PKN2: variants seen among roughly 807,000 people sequenced by gnomAD.
PKN2 encodes the protein protein kinase N2.
A neutral mutation model predicts 119.1 loss-of-function variants in PKN2; 38 were observed. The ratio of observed to expected loss-of-function variants is 0.32; its 90% confidence interval spans 0.25 to 0.42. The LOEUF (loss-of-function observed/expected upper bound fraction) is 0.42, where lower values mean the gene tolerates loss of function less well. Ranked by LOEUF, PKN2 falls within the 10% of genes least tolerant of loss-of-function variation. PKN2 has a pLI of 1.00. For missense variants in PKN2, 850 were observed against 1,165.1 expected (o/e 0.73, Z 3.94); for synonymous variants, 390 against 384.9 (o/e 1.01, Z -0.15).
Position 88,712,148 on chromosome 1 carries a change from A to G in PKN2, c.48+27520A>G, listed in dbSNP as rs139562359. Reference sequence around the variant, plus strand: ...TTAAAAGTCACAACTGTTTTCCAATATGATCTGAATACATTTTTAAAGCAA... The same window carrying G: ...TTAAAAGTCACAACTGTTTTCCAATGTGATCTGAATACATTTTTAAAGCAA... On this transcript the variant is annotated intron_variant, in intron 1 of 21. Coordinates refer to ENST00000370521, the MANE Select transcript of PKN2 (RefSeq NM_006256.4). 6.2e-3 allele frequency among the ~76,000 whole-genome samples: 944 copies of G among 152,250 alleles called. 12 individuals carry two copies. The South Asian group carries it at 0.067, about 11-fold the overall frequency.
rs111240296 is a variant in PKN2 at position 88,785,891 on chromosome 1, C to G, written c.1172-213C>G. Among the ~76,000 whole-genome samples the G allele has an allele frequency of 7.0e-3, 1,067 of 152,232 alleles. 12 individuals carry two copies. The highest frequency in any genetic ancestry group is 0.025 in the African/African-American group (1,026 of 41,526). On this transcript the variant is annotated intron_variant, in intron 7 of 21. Coordinates refer to ENST00000370521, the MANE Select transcript of PKN2 (RefSeq NM_006256.4). Reference sequence around the variant, plus strand: ...ATGTAAACAAAAGAGATAGCAGTCACTATTTGTGTTTTTGTCAAACAATTT... The same window carrying G: ...ATGTAAACAAAAGAGATAGCAGTCAGTATTTGTGTTTTTGTCAAACAATTT...
intron 1 of PKN2, among the ~76,000 whole-genome samples, chr1:88,700,624 G>A (rs1483939679): frequency 1.3e-5 from 2 of 152,126 alleles, no homozygotes; most frequent in East Asian, 3.8e-4. Flanking sequence ...ATCACGTTAC[G>A]GCTGTCCATA....
rs149516396 is a variant in PKN2 at position 88,797,418 on chromosome 1, C to T, written c.1282-6973C>T. On this transcript the variant is annotated intron_variant, in intron 8 of 21. Coordinates refer to ENST00000370521, the MANE Select transcript of PKN2 (RefSeq NM_006256.4). ...CAGCACTTTGGGAGGCTCAGGTGGG[C>T]GGATCACGAGGTCAAGAGATCAAGA... Among the ~76,000 whole-genome samples, 278 of 150,192 alleles carry T rather than the reference C, an allele frequency of 1.9e-3. 1 individual carries two copies. The highest frequency in any genetic ancestry group is 6.4e-3 in the African/African-American group (262 of 40,852).
intron 2 of PKN2, among the ~76,000 whole-genome samples, chr1:88,751,943 T>C (rs745866714): frequency 6.6e-6 from 1 of 152,188 alleles, no homozygotes; most frequent in Non-Finnish European, 1.5e-5. Context: ...GTTGAAGCCA[T>C]GTAGATCATC....
intron 16 of PKN2, among the ~76,000 whole-genome samples, chr1:88,820,837 C>G (rs1483714975): frequency 3.3e-5 from 5 of 152,162 alleles, no homozygotes; most frequent in Non-Finnish European, 5.9e-5. Context: ...ATAGGCTATT[C>G]TACACTGAAG....
chr1:88,816,044 G>A (rs538057394), intron 16 of PKN2, among the ~76,000 whole-genome samples: 1 of 151,878 alleles, frequency 6.6e-6, no homozygotes, highest in South Asian at 2.1e-4. Flanking sequence ...GGAAGCTGAG[G>A]CAGGAGAACC....
intron 3 of PKN2, among the ~76,000 whole-genome samples, chr1:88,761,545 G>A (rs963505863): frequency 2.0e-5 from 3 of 150,142 alleles, no homozygotes; most frequent in Admixed American, 2.0e-4. Flanking sequence ...GGAGGCTGAG[G>A]CAGGAGGATT....
chr1:88,713,958 A>G (rs1570516797), intron 1 of PKN2, among the ~76,000 whole-genome samples: 2 of 152,174 alleles, frequency 1.3e-5, no homozygotes, highest in East Asian at 1.9e-4. Flanking sequence ...TAATATTTGT[A>G]CAAGGTGTAA....
intron 8 of PKN2, among the ~76,000 whole-genome samples, chr1:88,786,628 A>G (rs935816084): frequency 4.6e-5 from 7 of 152,160 alleles, no homozygotes; most frequent in African/African-American, 1.2e-4. Context: ...TTCAAGAATA[A>G]TTTGAATAGC....
chr1:88,770,126 C>T (rs924095744), intron 3 of PKN2, among the ~76,000 whole-genome samples: 2 of 152,222 alleles, frequency 1.3e-5, no homozygotes, highest in African/African-American at 4.8e-5. Context: ...ATTTCCTTTT[C>T]TCCCAAATTG....
rs115673292 is a variant in PKN2, at chr1:88,718,472, A to G, written c.49-22516A>G. 2.9e-3 allele frequency among the ~76,000 whole-genome samples: 449 copies of G among 152,314 alleles called. 4 individuals carry two copies. Among genetic ancestry groups the G allele is most frequent in the African/African-American group, 0.01 (427 of 41,578 alleles). The stretch of plus-strand genomic sequence containing the variant: ...TCGTTCAGTAGTTTTGTTTTGATGT[A>G]TTAAGATTAGTGGAGACCAACTTTA... On this transcript the variant is annotated intron_variant, in intron 1 of 21. Coordinates refer to ENST00000370521, the MANE Select transcript of PKN2 (RefSeq NM_006256.4).
intron 15 of PKN2, 149 bp downstream of exon 15, chr1:88,807,924 A>G (rs901105342): frequency 1.9e-5 from 10 of 530,210 alleles, no homozygotes; most frequent in African/African-American, 1.4e-4. Flanking sequence ...TAAGGTAGAC[A>G]TTAGTTTTTC....
Position 88,764,380 on chromosome 1 carries a change from C to T in PKN2, c.504+4004C>T, listed in dbSNP as rs563555971. 4.2e-4 allele frequency among the ~76,000 whole-genome samples: 64 copies of T among 152,318 alleles called. No homozygotes were observed. The Middle Eastern group carries it at 0.01, about 24-fold the overall frequency. Reference sequence around the variant, plus strand: ...AGATAAATAGCAACCTCTGTCTCTTCTTAACCCTTCATTGCATTACCACCA... The same window carrying T: ...AGATAAATAGCAACCTCTGTCTCTTTTTAACCCTTCATTGCATTACCACCA... On this transcript the variant is annotated intron_variant, in intron 3 of 21. Transcript: ENST00000370521.
Position 88,832,869 on chromosome 1 carries a change from G to T in PKN2, c.2670+18G>T. On this transcript the variant is annotated intron_variant, in intron 20 of 21. Transcript: ENST00000370521. ...TGAGAAGGGTAAGAATTAAAATAAG[G>T]ATAAGAATTTTTTAAAGACTACTTT... 7.1e-7 allele frequency: 1 copy of T among 1,418,240 alleles called. No individual in the cohort carries two copies. The highest frequency in any genetic ancestry group is 9.7e-7 in the Non-Finnish European group (1 of 1,031,660). 87.9% of individuals were successfully genotyped at this position (1,418,240 alleles called of 1,614,324 possible).
At chr1:88,689,767 C>T (rs1048160544) in intron 1 of PKN2, among the ~76,000 whole-genome samples, 2 of 152,120 alleles carry the variant, frequency 1.3e-5, no homozygotes, top group East Asian at 1.9e-4. Flanking sequence ...GCTGAGATCA[C>T]GCAACTGCAC....
intron 12 of PKN2, among the ~76,000 whole-genome samples, chr1:88,806,988 G>C (rs2100879483): frequency 1.3e-5 from 2 of 152,154 alleles, no homozygotes; most frequent in South Asian, 4.2e-4. Flanking sequence ...AAAGTGCTGG[G>C]ATTACAGGCA....
intron 12 of PKN2, 62 bp downstream of exon 12, chr1:88,806,079 A>G: frequency 7.3e-7 from 1 of 1,377,350 alleles, no homozygotes; most frequent in Non-Finnish European, 1.0e-6. Context: ...TAAAAGCATC[A>G]TAGTGAATAA....
At chr1:88,804,812 A>G (rs1671470524) in intron 9 of PKN2, 34 bp from the exon 10 acceptor site, 1 of 1,162,012 alleles carries the variant, frequency 8.6e-7, no homozygotes, top group Non-Finnish European at 1.3e-6. Flanking sequence ...GAACCATGCT[A>G]TTTTCATGTC....
chr1:88,822,803 C>G (rs1672348958), intron 17 of PKN2, among the ~76,000 whole-genome samples: 1 of 152,052 alleles, frequency 6.6e-6, no homozygotes, highest in African/African-American at 2.4e-5. Flanking sequence ...GGTCTTAAAA[C>G]TCCTGACCTC....
Sources: allele counts gnomAD v4.1 joint callset (sites outside exome capture counted in the v4.1 genomes callset), GRCh38; gene constraint gnomAD v4.1.1; transcripts MANE v1.5; gene names NCBI Gene and HGNC (gene_info 2026-07-23, HGNC 2026-07-21).